Variants in ZNF385D observed in about 807,000 individuals in gnomAD.
ZNF385D encodes zinc finger protein 385D, also known as zinc finger protein 659.
A neutral mutation model predicts 35.8 loss-of-function variants in ZNF385D; 15 were observed. The ratio of observed to expected loss-of-function variants is 0.42; its 90% CI spans 0.28 to 0.64. The LOEUF is 0.64. ZNF385D is among the 30% of genes least tolerant of loss of function. The probability of loss-of-function intolerance (pLI) is 0.23; values close to 1 mark genes in which losing one functional copy is unlikely to be tolerated. For synonymous variants in ZNF385D, 212 were observed against 186.8 expected (o/e 1.13, Z -1.10); for missense variants, 474 against 494.6 (o/e 0.96, Z 0.39).
intron 3 of ZNF385D, among the ~76,000 whole-genome samples, chr3:21,783,976 T>C (rs1395185863): frequency 6.6e-6 from 1 of 152,142 alleles, no homozygotes; most frequent in East Asian, 1.9e-4. Context: ...GAGATTTCTT[T>C]TTTCTTTTCC....
At chr3:21,694,042 C>CTTTTTTTTTTTTTTTT (rs35586361) in intron 1 of ZNF385D, among the ~76,000 whole-genome samples, 729 of 22,136 alleles carry the variant, frequency 0.033, 213 homozygotes, top group African/African-American at 0.059. Flanking sequence ...CTACGCCTGG[C>CTTTTTTTTTTTTTTTT]TTTTTTTTTT....
intron 3 of ZNF385D, among the ~76,000 whole-genome samples, chr3:21,771,669 T>C (rs2071083301): frequency 6.6e-6 from 1 of 151,786 alleles, no homozygotes; most frequent in South Asian, 2.1e-4. Context: ...GGTGACTACA[T>C]ACAGCCAGGA....
intron 2 of ZNF385D, among the ~76,000 whole-genome samples, chr3:22,237,293 T>A (rs1699240669): frequency 6.6e-6 from 1 of 152,228 alleles, no homozygotes; most frequent in Non-Finnish European, 1.5e-5. Context: ...GAGCATCTTT[T>A]CATGTGCCTA....
chr3:21,602,042 G>A (rs1231557664), intron 2 of ZNF385D, among the ~76,000 whole-genome samples: 3 of 152,202 alleles, frequency 2.0e-5, no homozygotes, highest in Non-Finnish European at 2.9e-5. Flanking sequence ...GTTCCACATG[G>A]CTAGGGAGGC....
intron 3 of ZNF385D, 122 bp downstream of exon 3, chr3:21,564,452 A>G: frequency 5.7e-6 from 3 of 522,818 alleles, no homozygotes; most frequent in Non-Finnish European, 6.3e-6. Flanking sequence ...TTAAAATGTT[A>G]TCTTTGAATT....
intron 4 of ZNF385D, among the ~76,000 whole-genome samples, chr3:21,496,339 T>C (rs1454047324): frequency 4.1e-5 from 6 of 145,002 alleles, no homozygotes; most frequent in Non-Finnish European, 9.1e-5. Flanking sequence ...CAACTTTAGG[T>C]ATCAAGTATA....
chr3:22,153,722 C>G (rs1705412139), intron 3 of ZNF385D, among the ~76,000 whole-genome samples: 1 of 152,074 alleles, frequency 6.6e-6, no homozygotes, highest in Non-Finnish European at 1.5e-5. Flanking sequence ...CCTCGGCCTC[C>G]CAAAGTGCTG....
chr3:21,761,287 C>G (rs1424816073), intron 3 of ZNF385D, among the ~76,000 whole-genome samples: 1 of 152,226 alleles, frequency 6.6e-6, no homozygotes, highest in South Asian at 2.1e-4. Context: ...AATTCCCAAC[C>G]TACAACAACT....
chr3:21,579,125 C>T (rs531414341), intron 2 of ZNF385D: 1 of 152,184 alleles, frequency 6.6e-6, no homozygotes, highest in African/African-American at 2.4e-5. Context: ...AAAGAGAAGT[C>T]AGGTTTCTCG....
At chr3:21,911,976 T>C (rs1699984445) in intron 3 of ZNF385D, among the ~76,000 whole-genome samples, 1 of 151,942 alleles carries the variant, frequency 6.6e-6, no homozygotes, top group Admixed American at 6.6e-5. Flanking sequence ...AAAAATGAAA[T>C]TAATGAGAAT....
chr3:22,085,307 G>C (rs1027172487), intron 3 of ZNF385D, among the ~76,000 whole-genome samples: 2 of 151,788 alleles, frequency 1.3e-5, no homozygotes, highest in African/African-American at 2.4e-5. Context: ...TTTTTGAAAA[G>C]ATTAATGAAA....
chr3:22,212,567 T>C lies in ZNF385D; in HGVS notation c.107-43532A>G, dbSNP rs549245807. On this transcript the variant is annotated intron_variant, in intron 2 of 5. Transcript: ENST00000494108. ...TAAAATGTCAGGTTTTATTCCCTCA[T>C]CATTAAACAAATCAAGCTTAATGTG... Among the ~76,000 whole-genome samples, 7 of 152,062 alleles carry C rather than the reference T, an allele frequency of 4.6e-5. No individual in the cohort carries two copies. In the South Asian group the frequency reaches 1.5e-3, roughly 32 times the overall value.
chr3:21,743,206 G>C (rs2069602336), intron 1 of ZNF385D, among the ~76,000 whole-genome samples: 1 of 152,200 alleles, frequency 6.6e-6, no homozygotes, highest in Admixed American at 6.5e-5. Flanking sequence ...ATTCCATCTT[G>C]AACAAATGGT....
chr3:22,129,442 G>T (rs1703643438), intron 3 of ZNF385D, among the ~76,000 whole-genome samples: 1 of 152,114 alleles, frequency 6.6e-6, no homozygotes, highest in Non-Finnish European at 1.5e-5. Context: ...CCCAAGGTGG[G>T]TCTAAAAATG....
chr3:21,758,243 G>C (rs1042902563), intron 3 of ZNF385D, among the ~76,000 whole-genome samples: 1 of 152,162 alleles, frequency 6.6e-6, no homozygotes, highest in African/African-American at 2.4e-5. Flanking sequence ...ATGAGTCAAG[G>C]AAAATATTAG....
chr3:21,977,417 T>C (rs547193911), intron 3 of ZNF385D, among the ~76,000 whole-genome samples: 1 of 152,214 alleles, frequency 6.6e-6, no homozygotes, highest in Non-Finnish European at 1.5e-5. Flanking sequence ...TGAATATTGG[T>C]TGTATTTGGC....
intron 1 of ZNF385D, among the ~76,000 whole-genome samples, chr3:21,701,354 G>C (rs936516468): frequency 4.6e-5 from 7 of 152,152 alleles, no homozygotes; most frequent in Admixed American, 2.6e-4. Flanking sequence ...AAATCCGTCA[G>C]ATCTCGTGAG....
At chr3:22,179,493 C>A (rs1031850710) in intron 2 of ZNF385D, among the ~76,000 whole-genome samples, 1 of 152,164 alleles carries the variant, frequency 6.6e-6, no homozygotes, top group Non-Finnish European at 1.5e-5. Context: ...TGGGCTGAGA[C>A]GACGGGGTTT....
At chr3:22,354,094 C>T (rs1174554314) in intron 2 of ZNF385D, among the ~76,000 whole-genome samples, 1 of 152,100 alleles carries the variant, frequency 6.6e-6, no homozygotes, top group Non-Finnish European at 1.5e-5. Context: ...CTGCTTCTCA[C>T]TAGCATCCCC....
Sources: gnomAD v4.1 joint callset for allele counts (sites outside exome capture counted in the v4.1 genomes callset) on GRCh38, gnomAD v4.1.1 for gene constraint, MANE v1.5 for transcripts, NCBI Gene and HGNC (gene_info 2026-07-23, HGNC 2026-07-21) for gene names.